The following UGT1A5 variants were observed in gnomAD, a reference collection of about 807,000 sequenced individuals.
UGT1A5 encodes the protein UDP-glucuronosyltransferase 1A5.
UGT1A5 carries 29 observed loss-of-function variants against 40.3 expected under a neutral mutation model. The ratio of observed to expected loss-of-function variants is 0.72; its 90% CI spans 0.54 to 0.98. The LOEUF (loss-of-function observed/expected upper bound fraction) is 0.98. Among genes scored for constraint, UGT1A5 ranks in the 50% least tolerant of loss-of-function variants. UGT1A5 has a pLI of 0.00. For missense variants in UGT1A5, 678 were observed against 677.9 expected, an observed-to-expected ratio of 1.00 and a Z score of 0.00; for synonymous variants, 257 against 262.5, an observed-to-expected ratio of 0.98 and a Z score of 0.20.
chr2:233,756,694 GA>G (rs888439018), intron 1 of UGT1A5, among the ~76,000 whole-genome samples: 3 of 152,120 alleles, frequency 2.0e-5, no homozygotes, highest in Non-Finnish European at 2.9e-5. Flanking sequence ...TAATGACGAT[GA>G]ATTTTGGGGG....
At chr2:233,748,267 A>G (rs762493954) in intron 1 of UGT1A5, among the ~76,000 whole-genome samples, 2 of 151,794 alleles carry the variant, frequency 1.3e-5, no homozygotes, top group Non-Finnish European at 2.9e-5. Context: ...TAAATGGTCA[A>G]TGAGAGGAAG....
chr2:233,718,774 A>G, intron 1 of UGT1A5: 2 of 1,612,926 alleles, frequency 1.2e-6, no homozygotes, highest in Non-Finnish European at 1.7e-6. Flanking sequence ...CAAATGTAGC[A>G]GGCACAGCGT....
rs1700558646 is a variant in UGT1A5, at chr2:233,772,951, T to C, written c.*392T>C. The stretch of plus-strand genomic sequence containing the variant: ...AATCTTATCTTTTGGCTTCTGCAGA[T>C]GGTTGCAATTGATCCTTAACCAATA... On this transcript the variant is annotated 3_prime_UTR_variant, in exon 5 of 5. Transcript: ENST00000373414. 1 of 322,076 alleles carries C rather than the reference T, an allele frequency of 3.1e-6. No homozygotes were observed. Among genetic ancestry groups the C allele is most frequent in the South Asian group, 3.1e-5 (1 of 32,036 alleles). The allele number at this position is 322,076 out of a possible 1,614,324, so 20.0% of individuals were successfully genotyped here. A position where few individuals can be genotyped will look rare whatever the true frequency, so the allele number is the denominator to read the frequency against.
At chr2:233,736,387 T>C (rs1375947761) in intron 1 of UGT1A5, among the ~76,000 whole-genome samples, 2 of 152,190 alleles carry the variant, frequency 1.3e-5, no homozygotes, top group African/African-American at 2.4e-5. Flanking sequence ...TTCTCTACAG[T>C]GTTTATTCTA....
chr2:233,748,114 A>C (rs1473997500), intron 1 of UGT1A5: 1 of 1,611,788 alleles, frequency 6.2e-7, no homozygotes, highest in East Asian at 2.2e-5. Flanking sequence ...TCAATGTTCC[A>C]GGCAAAACAG....
At chr2:233,747,222 A>G (rs2125883623) in intron 1 of UGT1A5, 4 of 1,605,292 alleles carry the variant, frequency 2.5e-6, no homozygotes, top group Middle Eastern at 4.1e-4. Flanking sequence ...AGATGGCCAC[A>G]GGACCCCAGG....
intron 1 of UGT1A5, chr2:233,744,012 G>C (rs541267003): frequency 9.2e-7 from 1 of 1,089,588 alleles, no homozygotes. Flanking sequence ...GACCTGGGCC[G>C]CCTGGAGAGA....
intron 1 of UGT1A5, among the ~76,000 whole-genome samples, chr2:233,715,215 C>T (rs930833996): frequency 2.6e-5 from 4 of 152,140 alleles, no homozygotes; most frequent in Non-Finnish European, 5.9e-5. Context: ...AGACCCTCTA[C>T]TGAATCTGCC....
intron 1 of UGT1A5, chr2:233,755,115 G>A: frequency 1.5e-6 from 2 of 1,331,678 alleles, no homozygotes; most frequent in Non-Finnish European, 2.0e-6. Context: ...CACCTCGTAG[G>A]CCTCAGCCAC....
intron 1 of UGT1A5, among the ~76,000 whole-genome samples, chr2:233,756,708 C>T (rs1399163610): frequency 6.6e-6 from 1 of 151,990 alleles, no homozygotes; most frequent in Admixed American, 6.6e-5. Flanking sequence ...TTTGGGGGGA[C>T]TTTTTTTGAG....
intron 1 of UGT1A5, among the ~76,000 whole-genome samples, chr2:233,762,846 A>G (rs1269023335): frequency 6.6e-6 from 1 of 152,164 alleles, no homozygotes; most frequent in Non-Finnish European, 1.5e-5. Flanking sequence ...ATAGGCAGTC[A>G]TTTGCTGATA....
At chr2:233,753,670 G>T (rs1438239507) in intron 1 of UGT1A5, 3 of 152,198 alleles carry the variant, frequency 2.0e-5, no homozygotes, top group Admixed American at 6.5e-5. Flanking sequence ...TGTGTATGGT[G>T]CCTCACCCAA....
At chr2:233,718,401 C>T (rs1023321432) in intron 1 of UGT1A5, among the ~76,000 whole-genome samples, 2 of 152,202 alleles carry the variant, frequency 1.3e-5, no homozygotes, top group Non-Finnish European at 2.9e-5. Flanking sequence ...TAGCAAATAG[C>T]GTCACATTCA....
intron 1 of UGT1A5, among the ~76,000 whole-genome samples, chr2:233,726,600 T>TACCCAG (rs1249219153): frequency 1.2e-4 from 18 of 152,200 alleles, no homozygotes; most frequent in African/African-American, 4.3e-4. Flanking sequence ...GCCCTTGTGA[T>TACCCAG]TACACTGTCC....
intron 1 of UGT1A5, among the ~76,000 whole-genome samples, chr2:233,757,535 A>AATATATATACATATATATATAT (rs376887521): frequency 4.4e-4 from 39 of 88,152 alleles, no homozygotes; most frequent in African/African-American, 6.0e-4. Flanking sequence ...GCCTGTAAGG[A>AATATATATACATATATATATAT]ATATATATAT....
At chr2:233,755,785 T>A (rs1696021377) in intron 1 of UGT1A5, 1 of 152,588 alleles carries the variant, frequency 6.6e-6, no homozygotes, top group Non-Finnish European at 1.5e-5. Flanking sequence ...ATGCCTATCA[T>A]ATGTACTGCA....
intron 1 of UGT1A5, chr2:233,729,300 A>G (rs143500969): frequency 9.7e-5 from 156 of 1,614,266 alleles, no homozygotes; most frequent in East Asian, 1.6e-4. Flanking sequence ...GCCACCAGGC[A>G]GTGGTCCTCA....
In UGT1A5 at chr2:233,773,267, C is replaced by T. The variant is rs1428279395; in HGVS notation, c.*708C>T. ...ACTTTTTTTCTGATGTTTCCTACAA[C>T]TAAAAATAAATTAATAAATTTATAT... On this transcript the variant is annotated 3_prime_UTR_variant, in exon 5 of 5. Transcript: ENST00000373414. 6.6e-6 allele frequency: 1 copy of T among 152,172 alleles called. No individual in the cohort carries two copies. Among genetic ancestry groups the T allele is most frequent in the Non-Finnish European group, 1.5e-5 (1 of 68,020 alleles). The allele number at this position is 152,172 out of a possible 1,614,324, so 9.4% of individuals were successfully genotyped here. A position where few individuals can be genotyped will look rare whatever the true frequency, so the allele number is the denominator to read the frequency against.
chr2:233,760,884 T>A, intron 1 of UGT1A5: 1 of 1,614,196 alleles, frequency 6.2e-7, no homozygotes, highest in African/African-American at 1.3e-5. Context: ...CTCTCTCCTC[T>A]CATTCAGATC....
Sources: allele counts gnomAD v4.1 joint callset (sites outside exome capture counted in the v4.1 genomes callset), GRCh38; gene constraint gnomAD v4.1.1; transcripts MANE v1.5; gene names NCBI Gene and HGNC (gene_info 2026-07-23, HGNC 2026-07-21).